GHR: variants seen among roughly 807,000 people sequenced by gnomAD.
The protein encoded by GHR is GH receptor.
In GHR, 35 loss-of-function variants were observed where a neutral mutation model predicts 67.1. The ratio of observed to expected loss-of-function variants is 0.52; its 90% CI spans 0.40 to 0.69. GHR has a LOEUF of 0.69. Among genes scored for constraint, GHR ranks in the 30% least tolerant of loss-of-function variants. The pLI, the probability that GHR is intolerant of heterozygous loss-of-function variation, is 0.00. For synonymous variants in GHR, 272 were observed against 269.1 expected (o/e 1.01, Z -0.10); for missense variants, 792 against 764.6 (o/e 1.04, Z -0.42).
Position 42,540,767 on chromosome 5 carries a change from C to T in GHR, c.-11-25097C>T, listed in dbSNP as rs142924188. On this transcript the variant is annotated intron_variant, in intron 1 of 9. Coordinates refer to ENST00000230882, the MANE Select transcript of GHR (RefSeq NM_000163.5). Reference sequence around the variant, plus strand: ...AGAAGGCTGCAACAACCACAAACTACATTGCCCATGATCAACCCATGCCCA... The same window carrying T: ...AGAAGGCTGCAACAACCACAAACTATATTGCCCATGATCAACCCATGCCCA... 2.8e-3 allele frequency among the ~76,000 whole-genome samples: 432 copies of T among 151,944 alleles called. 3 individuals carry two copies. Among genetic ancestry groups the T allele is most frequent in the African/African-American group, 9.9e-3 (410 of 41,464 alleles).
chr5:42,716,872 A>T (rs1758750163), intron 8 of GHR, among the ~76,000 whole-genome samples: 1 of 152,224 alleles, frequency 6.6e-6, no homozygotes, highest in Admixed American at 6.5e-5. Flanking sequence ...TGAGTGGAAT[A>T]GTAACTGATA....
chr5:42,523,350 T>C (rs760606945), intron 1 of GHR, among the ~76,000 whole-genome samples: 2 of 152,250 alleles, frequency 1.3e-5, no homozygotes, highest in Non-Finnish European at 2.9e-5. Context: ...ATTGAAGGTT[T>C]GTTGCAACCC....
chr5:42,509,290 T>C (rs897003407), intron 1 of GHR, among the ~76,000 whole-genome samples: 3 of 152,226 alleles, frequency 2.0e-5, no homozygotes, highest in Non-Finnish European at 4.4e-5. Context: ...GAGCCATTTA[T>C]TAGTAATGAT....
intron 3 of GHR, among the ~76,000 whole-genome samples, chr5:42,638,106 A>AT (rs1334307112): frequency 3.3e-5 from 5 of 151,918 alleles, no homozygotes; most frequent in East Asian, 1.9e-4. Context: ...CGCCCGGCAA[A>AT]TTTTTTTTAT....
At chr5:42,481,271 G>C (rs1745621783) in intron 1 of GHR, among the ~76,000 whole-genome samples, 1 of 152,200 alleles carries the variant, frequency 6.6e-6, no homozygotes, top group South Asian at 2.1e-4. Context: ...TTAGTCTGAT[G>C]GGCTTCCCTT....
intron 3 of GHR, among the ~76,000 whole-genome samples, chr5:42,635,490 G>T (rs947312008): frequency 4.6e-5 from 7 of 152,286 alleles, no homozygotes; most frequent in South Asian, 4.1e-4. Context: ...TAAAACAACA[G>T]TCTTTACTTA....
intron 2 of GHR, among the ~76,000 whole-genome samples, chr5:42,613,803 G>A (rs1161416791): frequency 6.6e-6 from 1 of 152,046 alleles, no homozygotes; most frequent in Non-Finnish European, 1.5e-5. Context: ...ATTCGTAACA[G>A]GCAAACATTC....
intron 3 of GHR, among the ~76,000 whole-genome samples, chr5:42,654,257 A>G (rs1755143006): frequency 6.6e-6 from 1 of 152,124 alleles, no homozygotes; most frequent in Admixed American, 6.6e-5. Flanking sequence ...AAATGAGAAT[A>G]ATACAAACTG....
At chr5:42,674,723 A>G (rs1756484959) in intron 3 of GHR, among the ~76,000 whole-genome samples, 1 of 152,212 alleles carries the variant, frequency 6.6e-6, no homozygotes, top group African/African-American at 2.4e-5. Flanking sequence ...ATAGGATTAT[A>G]CCACATCTTT....
intron 2 of GHR, among the ~76,000 whole-genome samples, chr5:42,617,910 T>C (rs1004208436): frequency 2.6e-5 from 4 of 152,156 alleles, no homozygotes; most frequent in Non-Finnish European, 5.9e-5. Context: ...GAAACTTTTC[T>C]TTTTCATACC....
At chr5:42,675,353 G>C (rs1482960138) in intron 3 of GHR, among the ~76,000 whole-genome samples, 1 of 152,178 alleles carries the variant, frequency 6.6e-6, no homozygotes, top group Non-Finnish European at 1.5e-5. Context: ...ATCACTGACA[G>C]AATAGTGTCC....
intron 3 of GHR, among the ~76,000 whole-genome samples, chr5:42,643,408 A>G (rs1383517398): frequency 2.6e-5 from 4 of 152,210 alleles, no homozygotes; most frequent in Non-Finnish European, 2.9e-5. Flanking sequence ...AACTACCTCA[A>G]TGGACACTAA....
intron 2 of GHR, among the ~76,000 whole-genome samples, chr5:42,584,122 G>A (rs1299207421): frequency 2.0e-5 from 3 of 152,136 alleles, no homozygotes; most frequent in African/African-American, 7.2e-5. Context: ...CTCAGGTCTG[G>A]CTGATGGAAA....
chr5:42,475,636 T>C (rs1745272681), intron 1 of GHR, among the ~76,000 whole-genome samples: 1 of 152,014 alleles, frequency 6.6e-6, no homozygotes, highest in Non-Finnish European at 1.5e-5. Flanking sequence ...TGTATAAGTT[T>C]CAGGCCCTAA....
chr5:42,684,783 A>G (rs987481060), intron 3 of GHR, among the ~76,000 whole-genome samples: 1 of 152,166 alleles, frequency 6.6e-6, no homozygotes, highest in Non-Finnish European at 1.5e-5. Flanking sequence ...GAATTTGATT[A>G]CAAAAACACT....
At chr5:42,707,033 C>A (rs1341546166) in intron 6 of GHR, among the ~76,000 whole-genome samples, 1 of 151,732 alleles carries the variant, frequency 6.6e-6, no homozygotes. Context: ...GAATGTTTTT[C>A]CATTTGCGTT....
chr5:42,473,014 G>A (rs901221974), intron 1 of GHR, among the ~76,000 whole-genome samples: 1 of 152,204 alleles, frequency 6.6e-6, no homozygotes, highest in Non-Finnish European at 1.5e-5. Flanking sequence ...AAGCAGTTAA[G>A]TCTAAGAATG....
chr5:42,658,526 T>C (rs1755383309), intron 3 of GHR, among the ~76,000 whole-genome samples: 3 of 152,234 alleles, frequency 2.0e-5, no homozygotes, highest in African/African-American at 7.2e-5. Context: ...TTATCCATTG[T>C]TATTTTTGCT....
At chr5:42,522,863 T>C (rs75762156) in intron 1 of GHR, among the ~76,000 whole-genome samples, 4,044 of 152,284 alleles carry the variant, frequency 0.027, 187 homozygotes, top group African/African-American at 0.091. Flanking sequence ...AAAGGCCTCA[T>C]GTACTGAATG....
Sources: gnomAD v4.1 joint callset for allele counts (sites outside exome capture counted in the v4.1 genomes callset) on GRCh38, gnomAD v4.1.1 for gene constraint, MANE v1.5 for transcripts, NCBI Gene and HGNC (gene_info 2026-07-23, HGNC 2026-07-21) for gene names.